The following SMC3 variants were observed in gnomAD, a reference collection of about 807,000 sequenced individuals.
SMC3 encodes structural maintenance of chromosomes protein 3.
In SMC3, 20 loss-of-function variants were observed where a neutral mutation model predicts 171.8. The observed-to-expected ratio is 0.12, with a 90% CI of 0.08 to 0.17. SMC3 has a LOEUF of 0.17. Among genes scored for constraint, SMC3 ranks in the 10% least tolerant of loss-of-function variants. The probability of loss-of-function intolerance (pLI) is 1.00; values close to 1 mark genes in which losing one functional copy is unlikely to be tolerated. For missense variants in SMC3, 543 were observed against 1,420.4 expected (o/e 0.38, Z 9.93); for synonymous variants, 464 against 451.1 (o/e 1.03, Z -0.36).
intron 2 of SMC3, among the ~76,000 whole-genome samples, chr10:110,572,454 A>G (rs532029573): frequency 6.6e-6 from 1 of 152,162 alleles, no homozygotes; most frequent in Non-Finnish European, 1.5e-5. Context: ...GATCATTTCC[A>G]CAGCCTTCCT....
intron 9 of SMC3, 104 bp from the exon 10 acceptor site, chr10:110,582,458 C>A: frequency 1.3e-6 from 1 of 799,350 alleles, no homozygotes; most frequent in Non-Finnish European, 2.0e-6. Context: ...AAAATTTGAG[C>A]AGTTACTTTT....
rs1332769721 is a variant in SMC3, at chr10:110,601,680, G to A, written c.2688G>A (p.Glu896=). The change falls in exon 24 of 29, where the codon GAG becomes GAA. Residue 896 remains glutamate (E), a synonymous_variant. Transcript: ENST00000361804. ...SIDKTEAGIK[E]LQKSMERWKN... ...ATAAAACAGAAGCTGGAATTAAGGAGCTTCAGAAGAGTATGGAGCGCTGGA... is the reference window on the plus strand; with the variant it reads ...ATAAAACAGAAGCTGGAATTAAGGAACTTCAGAAGAGTATGGAGCGCTGGA... 3.1e-6 allele frequency: 5 copies of A among 1,612,936 alleles called. No individual in the cohort carries two copies. The Admixed American group carries it at 5.0e-5, about 16-fold the overall frequency.
chr10:110,588,411 A>AT (rs1182469865), intron 13 of SMC3, among the ~76,000 whole-genome samples: 1 of 152,254 alleles, frequency 6.6e-6, no homozygotes, highest in Non-Finnish European at 1.5e-5. Flanking sequence ...AGGATGAATA[A>AT]TTGTCAGTAC....
chr10:110,567,759 G>A lies in SMC3; in HGVS notation c.-58G>A. The A allele has an allele frequency of 1.2e-6, 2 of 1,610,502 alleles. No homozygotes were observed. The highest frequency in any genetic ancestry group is 1.1e-5 in the South Asian group (1 of 91,000). ...TCGCGTAGGCGCCTCACCTGACCCT[G>A]CGGCCGTGCGGTTGCTGCTCCGGGG... On this transcript the variant is annotated 5_prime_UTR_variant, in exon 1 of 29. Coordinates refer to ENST00000361804, the MANE Select transcript of SMC3 (RefSeq NM_005445.4).
chr10:110,570,228 A>G (rs1248472521), intron 2 of SMC3, among the ~76,000 whole-genome samples: 2 of 152,138 alleles, frequency 1.3e-5, no homozygotes, highest in Non-Finnish European at 2.9e-5. Context: ...ATACTATCAC[A>G]TTCGGGATTA....
Position 110,575,319 on chromosome 10 carries a change from T to G in SMC3, c.131-17T>G. 6.2e-7 allele frequency: 1 copy of G among 1,606,730 alleles called. No individual in the cohort carries two copies. Among genetic ancestry groups the G allele is most frequent in the Non-Finnish European group, 8.5e-7 (1 of 1,173,518 alleles). ...CACTTTTTTAGGGTATACTAATAGT[T>G]GTTTTTGTATTTCCAGCAATTCAGT... On this transcript the variant is annotated splice_polypyrimidine_tract_variant and intron_variant, in intron 3 of 28. Transcript: ENST00000361804.
At chr10:110,567,852 C>A in intron 1 of SMC3, 21 bp downstream of exon 1, 1 of 1,613,292 alleles carries the variant, frequency 6.2e-7, no homozygotes, top group Non-Finnish European at 8.5e-7. Flanking sequence ...CGCGTCCCTC[C>A]ACCCCGTCAT....
At chr10:110,578,583 C>A in intron 6 of SMC3, 45 bp from the exon 7 acceptor site, 1 of 1,435,156 alleles carries the variant, frequency 7.0e-7, no homozygotes, top group Non-Finnish European at 9.7e-7. Flanking sequence ...CTTAATGGTG[C>A]TTTAAAATTA....
chr10:110,595,479 T>C (rs1174337483), intron 18 of SMC3, among the ~76,000 whole-genome samples: 6 of 152,254 alleles, frequency 3.9e-5, no homozygotes, highest in Admixed American at 3.9e-4. Context: ...TTTGATCACC[T>C]GCAGATCTCT....
chr10:110,567,720 CTTTGG>C lies in SMC3; in HGVS notation c.-96_-92del. ...GTTTGGCTGAGGGGAGCGAGCGGCG[CTTTGG>C]GGGAGGGGTCGCGTAGGCGCCTCAC... On this transcript the variant is annotated 5_prime_UTR_variant, in exon 1 of 29. Transcript: ENST00000361804. The C allele has an allele frequency of 6.8e-7, 1 of 1,480,942 alleles. No homozygotes were observed. Among genetic ancestry groups the C allele is most frequent in the Non-Finnish European group, 9.4e-7 (1 of 1,065,396 alleles). The allele number at this position is 1,480,942 out of a possible 1,614,324, so 91.7% of individuals were successfully genotyped here.
chr10:110,597,193 C>T (rs1418110330), intron 19 of SMC3, among the ~76,000 whole-genome samples: 1 of 148,980 alleles, frequency 6.7e-6, no homozygotes, highest in African/African-American at 2.5e-5. Flanking sequence ...TTAGATTTTA[C>T]TGTCTTGAAG....
chr10:110,589,043 ATGGT>A (rs1861166563), intron 13 of SMC3, among the ~76,000 whole-genome samples: 3 of 150,570 alleles, frequency 2.0e-5, no homozygotes, highest in Non-Finnish European at 4.4e-5. Flanking sequence ...ATAGTATTTA[ATGGT>A]TTGTGTTTTC....
intron 8 of SMC3, among the ~76,000 whole-genome samples, chr10:110,581,570 T>C (rs1259638464): frequency 6.6e-6 from 1 of 152,192 alleles, no homozygotes. Flanking sequence ...CTACATGTTA[T>C]AAAAGAACCA....
chr10:110,588,926 C>G (rs961938443), intron 13 of SMC3, among the ~76,000 whole-genome samples: 1 of 151,856 alleles, frequency 6.6e-6, no homozygotes, highest in Non-Finnish European at 1.5e-5. Flanking sequence ...ATATAATGGA[C>G]TATTATGAGA....
At chr10:110,589,443 A>G (rs1405402794) in intron 13 of SMC3, among the ~76,000 whole-genome samples, 162 bp from the exon 14 acceptor site, 1 of 152,146 alleles carries the variant, frequency 6.6e-6, no homozygotes, top group Non-Finnish European at 1.5e-5. Context: ...CAGTTAAGAC[A>G]ATAAACACGT....
chr10:110,601,601 G>C (rs1861388205), intron 23 of SMC3, 36 bp from the exon 24 acceptor site: 1 of 1,595,748 alleles, frequency 6.3e-7, no homozygotes, highest in Admixed American at 1.7e-5. Flanking sequence ...TGGCTTTATA[G>C]GTATTATAGC....
intron 19 of SMC3, 103 bp from the exon 20 acceptor site, chr10:110,598,036 G>T: frequency 9.7e-7 from 1 of 1,031,436 alleles, no homozygotes; most frequent in Non-Finnish European, 1.5e-6. Context: ...AATGTTATTT[G>T]GGGGTAAAGA....
chr10:110,604,206 T>C, intron 28 of SMC3, 25 bp from the exon 29 acceptor site: 1 of 1,533,392 alleles, frequency 6.5e-7, no homozygotes, highest in Non-Finnish European at 9.0e-7. Flanking sequence ...TTAACAGATT[T>C]TTGTTTTTAA....
chr10:110,581,798 CCACAT>C (rs1171062706), intron 8 of SMC3, 120 bp from the exon 9 acceptor site: 2 of 965,146 alleles, frequency 2.1e-6, no homozygotes, highest in Non-Finnish European at 3.2e-6. Flanking sequence ...AATTGGGTTA[CCACAT>C]CACATCAAAG....
Sources: allele counts gnomAD v4.1 joint callset (sites outside exome capture counted in the v4.1 genomes callset), GRCh38; gene constraint gnomAD v4.1.1; transcripts MANE v1.5; gene names NCBI Gene and HGNC (gene_info 2026-07-23, HGNC 2026-07-21).